The following CNTN4 variants were observed in gnomAD, a reference collection of about 807,000 sequenced individuals.
CNTN4 encodes contactin-4.
In CNTN4, 77 loss-of-function variants were observed where a neutral mutation model predicts 122.5. That is an observed-to-expected ratio of 0.63 (90% CI 0.52 to 0.76). CNTN4 has a LOEUF of 0.76. Among genes scored for constraint, CNTN4 ranks in the 30% least tolerant of loss-of-function variants. The pLI is 0.00. For missense variants in CNTN4, 1,256 were observed against 1,259.1 expected (o/e 1.00, Z 0.04); for synonymous variants, 512 against 447.0 (o/e 1.15, Z -1.83).
intron 4 of CNTN4, among the ~76,000 whole-genome samples, chr3:2,727,269 G>A (rs933765813): frequency 5.3e-5 from 8 of 152,178 alleles, no homozygotes; most frequent in African/African-American, 1.9e-4. Context: ...CTGAGTCTGG[G>A]TCAGCACTGC....
intron 2 of CNTN4, among the ~76,000 whole-genome samples, chr3:2,193,357 A>T (rs2037678922): frequency 6.6e-6 from 1 of 152,188 alleles, no homozygotes; most frequent in Non-Finnish European, 1.5e-5. Context: ...AGGAAAAAAA[A>T]AAGCCACTCC....
At chr3:2,356,912 A>G (rs1575449946) in intron 3 of CNTN4, among the ~76,000 whole-genome samples, 1 of 152,348 alleles carries the variant, frequency 6.6e-6, no homozygotes, top group East Asian at 1.9e-4. Flanking sequence ...TTTATAAGAG[A>G]CATTTAGATA....
chr3:2,762,653 T>A (rs1228571936), intron 6 of CNTN4, among the ~76,000 whole-genome samples: 1 of 152,182 alleles, frequency 6.6e-6, no homozygotes, highest in Non-Finnish European at 1.5e-5. Flanking sequence ...GTGTGTGTCT[T>A]TATAATAGAA....
intron 2 of CNTN4, among the ~76,000 whole-genome samples, chr3:2,232,724 T>C (rs1221764127): frequency 1.3e-5 from 2 of 152,192 alleles, no homozygotes; most frequent in Admixed American, 6.5e-5. Flanking sequence ...GCCAACTCAA[T>C]AGACGAAAAC....
chr3:2,629,399 G>A, intron 4 of CNTN4: 2 of 341,026 alleles, frequency 5.9e-6, no homozygotes, highest in Admixed American at 3.8e-5. Flanking sequence ...GACTAATGCA[G>A]CATCTAATTT....
In CNTN4 at chr3:2,973,978, G is replaced by C. The variant is rs542092819; in HGVS notation, c.1359-14367G>C. 3.9e-5 allele frequency among the ~76,000 whole-genome samples: 6 copies of C among 152,274 alleles called. No individual in the cohort carries two copies. The East Asian group carries it at 9.7e-4, about 25-fold the overall frequency. ...CTTCTCCAAGTACTCAGATCATCTT[G>C]GATGGTACACAGTATACAGACATTA... On this transcript the variant is annotated intron_variant, in intron 13 of 24. Coordinates refer to ENST00000418658, the MANE Select transcript of CNTN4 (RefSeq NM_175607.3).
At chr3:2,619,281 C>T (rs558960017) in intron 4 of CNTN4, among the ~76,000 whole-genome samples, 36 of 152,278 alleles carry the variant, frequency 2.4e-4, no homozygotes, top group African/African-American at 7.9e-4. Flanking sequence ...AATGAAATTC[C>T]GTTCCTGGGC....
At chr3:2,347,275 A>G (rs906316367) in intron 3 of CNTN4, among the ~76,000 whole-genome samples, 37 of 152,196 alleles carry the variant, frequency 2.4e-4, no homozygotes, top group Non-Finnish European at 4.1e-4. Flanking sequence ...ATGTGAAGGC[A>G]AAATAAAGAA....
At chr3:2,497,709 C>G (rs2076489548) in intron 3 of CNTN4, among the ~76,000 whole-genome samples, 1 of 152,306 alleles carries the variant, frequency 6.6e-6, no homozygotes, top group South Asian at 2.1e-4. Flanking sequence ...CGATTGAATA[C>G]TAAAGAGCTA....
intron 4 of CNTN4, among the ~76,000 whole-genome samples, chr3:2,575,979 C>A (rs945938162): frequency 3.3e-5 from 5 of 151,786 alleles, no homozygotes; most frequent in Non-Finnish European, 7.4e-5. Context: ...GGACTACAGG[C>A]ACATGCCACC....
chr3:2,382,264 G>A (rs983503739), intron 3 of CNTN4, among the ~76,000 whole-genome samples: 1 of 151,622 alleles, frequency 6.6e-6, no homozygotes, highest in Admixed American at 6.6e-5. Context: ...CTGCCCCCCG[G>A]GTTCAAGCGA....
rs73008825 is a variant in CNTN4, at chr3:2,278,523, A to G, written c.-144-60655A>G. ...AATCTCAGAATGTAACATGTTTTAGATAAGTGGTATGGAGAAGCAGTCATG... is the reference window on the plus strand; with the variant it reads ...AATCTCAGAATGTAACATGTTTTAGGTAAGTGGTATGGAGAAGCAGTCATG... On this transcript the variant is annotated intron_variant, in intron 2 of 24. Transcript: ENST00000418658. Among the ~76,000 whole-genome samples the G allele has an allele frequency of 8.1e-3, 1,231 of 152,306 alleles. 15 individuals are homozygous for G. The highest frequency in any genetic ancestry group is 0.012 in the Admixed American group (178 of 15,288).
At chr3:2,751,487 C>T (rs1339847501) in intron 6 of CNTN4, among the ~76,000 whole-genome samples, 1 of 152,132 alleles carries the variant, frequency 6.6e-6, no homozygotes, top group African/African-American at 2.4e-5. Context: ...CCTTCATTCA[C>T]TCTACACTCC....
chr3:2,961,522 C>T (rs1161459759), intron 13 of CNTN4, among the ~76,000 whole-genome samples: 1 of 152,108 alleles, frequency 6.6e-6, no homozygotes, highest in South Asian at 2.1e-4. Flanking sequence ...CAAATGACAA[C>T]CCTTGAGAGC....
intron 3 of CNTN4, among the ~76,000 whole-genome samples, chr3:2,537,062 A>G (rs1026840164): frequency 3.9e-5 from 6 of 152,136 alleles, no homozygotes; most frequent in African/African-American, 1.4e-4. Flanking sequence ...CATCTGTAGT[A>G]TGTGCTACTG....
chr3:2,589,890 C>G (rs2600298), intron 4 of CNTN4, among the ~76,000 whole-genome samples: 117,768 of 152,222 alleles, frequency 0.77, 45,711 homozygotes, highest in Admixed American at 0.84. Context: ...AGAGAGAAAG[C>G]AAGAGGAAGC....
chr3:2,786,991 A>G (rs1446948035), intron 6 of CNTN4, among the ~76,000 whole-genome samples: 1 of 152,188 alleles, frequency 6.6e-6, no homozygotes, highest in Non-Finnish European at 1.5e-5. Flanking sequence ...ATTCATGCAA[A>G]AACTGGGTTA....
chr3:2,107,679 C>T (rs971250852), intron 2 of CNTN4, among the ~76,000 whole-genome samples: 16 of 151,998 alleles, frequency 1.1e-4, no homozygotes, highest in Non-Finnish European at 1.6e-4. Context: ...TACCCTTTGA[C>T]GTAAGCTGAT....
intron 4 of CNTN4, among the ~76,000 whole-genome samples, chr3:2,728,479 G>A (rs1393840890): frequency 1.3e-5 from 2 of 152,150 alleles, no homozygotes; most frequent in Non-Finnish European, 2.9e-5. Flanking sequence ...TGAAATATGA[G>A]CAGGACACTG....
Sources: allele counts gnomAD v4.1 joint callset (sites outside exome capture counted in the v4.1 genomes callset), GRCh38; gene constraint gnomAD v4.1.1; transcripts MANE v1.5; gene names NCBI Gene and HGNC (gene_info 2026-07-23, HGNC 2026-07-21).